The following ARSB variants were observed in gnomAD, a reference collection of about 807,000 sequenced individuals.
ARSB encodes N-acetylgalactosamine-4-sulfatase.
A neutral mutation model predicts 50.9 loss-of-function variants in ARSB; 41 were observed. The ratio of observed to expected loss-of-function variants is 0.81; its 90% CI spans 0.63 to 1.04. ARSB has a LOEUF of 1.04. ARSB is among the 50% of genes least tolerant of loss of function. The pLI is 0.00. For synonymous variants in ARSB, 269 were observed against 284.8 expected, an observed-to-expected ratio of 0.94 and a Z score of 0.56; for missense variants, 672 against 693.3, an observed-to-expected ratio of 0.97 and a Z score of 0.35.
rs539030075 is a variant in ARSB, at chr5:78,831,593, G to A, written c.1213+7763C>T. Among the ~76,000 whole-genome samples, 385 of 152,294 alleles carry A rather than the reference G, an allele frequency of 2.5e-3. 1 individual carries two copies. Among genetic ancestry groups the A allele is most frequent in the Middle Eastern group, 0.017 (5 of 294 alleles). ...ACAAGACAAGGGTAGGACACAAAGC[G>A]ATGAGACCTGCGAAATCAGTAGGAC... is the stretch of plus-strand genomic sequence containing the variant. On this transcript the variant is annotated intron_variant, in intron 6 of 7. Coordinates refer to ENST00000264914, the MANE Select transcript of ARSB (RefSeq NM_000046.5).
intron 4 of ARSB, among the ~76,000 whole-genome samples, chr5:78,929,659 G>A (rs140131832): frequency 6.6e-6 from 1 of 151,902 alleles, no homozygotes. Context: ...CCAGTGTGGT[G>A]GTGGGTGCCT....
chr5:78,900,854 A>G (rs1202842734), intron 4 of ARSB, among the ~76,000 whole-genome samples: 2 of 152,000 alleles, frequency 1.3e-5, no homozygotes, highest in African/African-American at 4.8e-5. Flanking sequence ...CCTGGCTAAC[A>G]CAGTGAAGCC....
chr5:78,872,830 A>AAAAG (rs1554078058), intron 5 of ARSB, among the ~76,000 whole-genome samples: 50 of 150,056 alleles, frequency 3.3e-4, no homozygotes, highest in Admixed American at 6.0e-4. Context: ...AAAAAAAAAA[A>AAAAG]AAAGAAAGGG....
At chr5:78,801,930 C>T (rs1467197927) in intron 6 of ARSB, among the ~76,000 whole-genome samples, 7 of 152,066 alleles carry the variant, frequency 4.6e-5, no homozygotes, top group Non-Finnish European at 7.4e-5. Context: ...CTATACTGTT[C>T]GAATGTCAGT....
Position 78,880,141 on chromosome 5 carries a change from C to T in ARSB, c.1142+5443G>A, listed in dbSNP as rs995543663. On this transcript the variant is annotated intron_variant, in intron 5 of 7. Transcript: ENST00000264914. ...GGCCGCTAGGAGAACGTGCTAACAC[C>T]GAAGAAAGATCTGCAATTTGGAGCT... is the stretch of plus-strand genomic sequence containing the variant. Among the ~76,000 whole-genome samples, 31 of 152,122 alleles carry T rather than the reference C, an allele frequency of 2.0e-4. 1 individual carries two copies. The highest frequency in any genetic ancestry group is 4.4e-5 in the Non-Finnish European group (3 of 68,028).
At chr5:78,981,475 A>G (rs1752899437) in intron 1 of ARSB, among the ~76,000 whole-genome samples, 1 of 152,268 alleles carries the variant, frequency 6.6e-6, no homozygotes, top group Non-Finnish European at 1.5e-5. Flanking sequence ...TTTGTAAGAT[A>G]CACTGTGTTG....
At chr5:78,851,435 T>C (rs1561458704) in intron 5 of ARSB, among the ~76,000 whole-genome samples, 2 of 152,210 alleles carry the variant, frequency 1.3e-5, no homozygotes, top group Admixed American at 6.5e-5. Context: ...CAGTTTGTTA[T>C]AATTTCTGTT....
At chr5:78,902,102 T>A (rs1290251217) in intron 4 of ARSB, among the ~76,000 whole-genome samples, 1 of 152,232 alleles carries the variant, frequency 6.6e-6, no homozygotes, top group Non-Finnish European at 1.5e-5. Flanking sequence ...AGGGCCTTCA[T>A]GTGGTGTCAT....
At chr5:78,858,303 CATT>C (rs969045737) in intron 5 of ARSB, among the ~76,000 whole-genome samples, 11 of 152,250 alleles carry the variant, frequency 7.2e-5, no homozygotes, top group African/African-American at 2.6e-4. Context: ...AGTAGTATAT[CATT>C]GTCTCTGATG....
chr5:78,874,807 T>C (rs1275932414), intron 5 of ARSB, among the ~76,000 whole-genome samples: 1 of 152,144 alleles, frequency 6.6e-6, no homozygotes, highest in African/African-American at 2.4e-5. Flanking sequence ...CTAGGCCAAG[T>C]CTCAAATTTA....
chr5:78,920,744 A>T (rs1029358633), intron 4 of ARSB, among the ~76,000 whole-genome samples: 1 of 152,124 alleles, frequency 6.6e-6, no homozygotes, highest in African/African-American at 2.4e-5. Flanking sequence ...AGCTCCTCAT[A>T]GATCACCATC....
intron 6 of ARSB, among the ~76,000 whole-genome samples, chr5:78,789,558 T>A (rs1486922061): frequency 2.0e-5 from 3 of 151,798 alleles, no homozygotes; most frequent in African/African-American, 4.8e-5. Flanking sequence ...CAGACTGGAG[T>A]GATATGGTAT....
At chr5:78,849,259 G>C (rs1581037121) in intron 5 of ARSB, among the ~76,000 whole-genome samples, 2 of 152,048 alleles carry the variant, frequency 1.3e-5, no homozygotes, top group Admixed American at 1.3e-4. Context: ...GTAAGGAAGG[G>C]ATCCAGTTTC....
At chr5:78,788,049 G>A (rs1749138579) in intron 6 of ARSB, among the ~76,000 whole-genome samples, 1 of 152,236 alleles carries the variant, frequency 6.6e-6, no homozygotes, top group South Asian at 2.1e-4. Context: ...CAAGAGAGCA[G>A]AGGGTTTCAG....
At chr5:78,983,427 A>C (rs1471699702) in intron 1 of ARSB, among the ~76,000 whole-genome samples, 1 of 152,200 alleles carries the variant, frequency 6.6e-6, no homozygotes, top group Non-Finnish European at 1.5e-5. Context: ...GGAGAAATGA[A>C]TGGCCCTTCC....
At chr5:78,878,268 T>C (rs1374748966) in intron 5 of ARSB, among the ~76,000 whole-genome samples, 1 of 151,910 alleles carries the variant, frequency 6.6e-6, no homozygotes, top group Non-Finnish European at 1.5e-5. Flanking sequence ...CCAAGAAAAA[T>C]TAAAAAGTGA....
At chr5:78,867,255 T>C (rs988872890) in intron 5 of ARSB, among the ~76,000 whole-genome samples, 60 of 152,136 alleles carry the variant, frequency 3.9e-4, no homozygotes, top group Non-Finnish European at 7.1e-4. Flanking sequence ...GCGCCCGCCA[T>C]TGCCCAGGCT....
At position 78,950,490 on chromosome 5, in the gene ARSB, C is replaced by T. The variant is rs553378755; in HGVS notation, c.898+4805G>A. Among the ~76,000 whole-genome samples, 29 of 152,248 alleles carry T rather than the reference C, an allele frequency of 1.9e-4. No homozygotes were observed. In the Middle Eastern group the frequency reaches 0.017, roughly 90 times the overall value. On this transcript the variant is annotated intron_variant, in intron 4 of 7. Transcript: ENST00000264914. ...CTGTGTGCTTAGAGATCACAACTCCCAGAAGACAATAGGCAGGAAAAGAGA... is the reference window on the plus strand; with the variant it reads ...CTGTGTGCTTAGAGATCACAACTCCTAGAAGACAATAGGCAGGAAAAGAGA...
intron 5 of ARSB, among the ~76,000 whole-genome samples, chr5:78,841,161 AC>A (rs1745186425): frequency 7.2e-6 from 1 of 139,510 alleles, no homozygotes; most frequent in African/African-American, 2.7e-5. Flanking sequence ...TACTACTACT[AC>A]TACTACTAAT....
Sources: allele counts gnomAD v4.1 joint callset (sites outside exome capture counted in the v4.1 genomes callset), GRCh38; gene constraint gnomAD v4.1.1; transcripts MANE v1.5; gene names NCBI Gene and HGNC (gene_info 2026-07-23, HGNC 2026-07-21).